Variants in ST18 observed in about 807,000 individuals in gnomAD.
ST18 encodes suppression of tumorigenicity 18 protein.
Under a neutral mutation model 110.0 loss-of-function variants are expected in ST18, and 50 were observed. That is an observed-to-expected ratio of 0.45 (90% CI 0.36 to 0.58). The LOEUF (loss-of-function observed/expected upper bound fraction) is 0.58. ST18 is among the 20% of genes least tolerant of loss of function. The probability of loss-of-function intolerance (pLI) is 0.00; values close to 1 mark genes in which losing one functional copy is unlikely to be tolerated. For missense variants in ST18, 1,306 were observed against 1,280.1 expected (o/e 1.02, Z -0.31); for synonymous variants, 461 against 452.4 (o/e 1.02, Z -0.24).
chr8:52,214,807 A>G (rs1270016738), intron 6 of ST18, among the ~76,000 whole-genome samples: 2 of 152,220 alleles, frequency 1.3e-5, no homozygotes, highest in Non-Finnish European at 1.5e-5. Flanking sequence ...GAATTTCAGA[A>G]TAAATACCAG....
chr8:52,202,315 T>C (rs1470759913), intron 8 of ST18, among the ~76,000 whole-genome samples: 1 of 152,196 alleles, frequency 6.6e-6, no homozygotes, highest in Non-Finnish European at 1.5e-5. Context: ...AATATTTCTC[T>C]AGTAACATCA....
chr8:52,300,040 A>G (rs2095693409), intron 2 of ST18, among the ~76,000 whole-genome samples: 1 of 152,144 alleles, frequency 6.6e-6, no homozygotes, highest in Admixed American at 6.5e-5. Context: ...CTTTTTGATA[A>G]ATTCGTTGAG....
At chr8:52,321,983 T>C in intron 2 of ST18, among the ~76,000 whole-genome samples, 1 of 152,230 alleles carries the variant, frequency 6.6e-6, no homozygotes, top group Non-Finnish European at 1.5e-5. Context: ...AACTAGACCA[T>C]TGCTTTTGTT....
intron 2 of ST18, among the ~76,000 whole-genome samples, chr8:52,255,314 G>T (rs944729466): frequency 2.6e-5 from 4 of 152,096 alleles, no homozygotes; most frequent in Non-Finnish European, 5.9e-5. Context: ...ACTCCAAGTG[G>T]ACATTTGATA....
chr8:52,232,374 CA>C (rs1198397254), intron 2 of ST18, among the ~76,000 whole-genome samples: 1 of 152,188 alleles, frequency 6.6e-6, no homozygotes, highest in East Asian at 1.9e-4. Context: ...AGAGTTTGCA[CA>C]ATATTTAAAC....
chr8:52,171,057 T>C (rs548983248), intron 10 of ST18, among the ~76,000 whole-genome samples: 3 of 152,300 alleles, frequency 2.0e-5, no homozygotes, highest in East Asian at 1.9e-4. Flanking sequence ...GCTGGAGAAC[T>C]GATGATGATG....
intron 10 of ST18, 95 bp from the exon 11 acceptor site, chr8:52,167,081 T>TCAGTTTTA: frequency 3.4e-6 from 5 of 1,476,588 alleles, no homozygotes; most frequent in Non-Finnish European, 4.6e-6. Context: ...CTCACTTTAT[T>TCAGTTTTA]CAGTTTTACC....
chr8:52,128,024 C>T (rs1296724657), intron 22 of ST18, among the ~76,000 whole-genome samples: 5 of 151,448 alleles, frequency 3.3e-5, no homozygotes, highest in African/African-American at 1.2e-4. Flanking sequence ...GGCTGAAGTG[C>T]GCTGGCACAA....
At chr8:52,362,232 T>G (rs567045075) in intron 2 of ST18, among the ~76,000 whole-genome samples, 1 of 152,336 alleles carries the variant, frequency 6.6e-6, no homozygotes, top group Admixed American at 6.5e-5. Flanking sequence ...TATTCCCTTA[T>G]ATTGGTATGA....
chr8:52,199,966 C>T (rs559129692), intron 8 of ST18, among the ~76,000 whole-genome samples: 8 of 152,158 alleles, frequency 5.3e-5, no homozygotes, highest in South Asian at 2.1e-4. Flanking sequence ...ATGTAAATGT[C>T]GTATAGGAAT....
rs1342674074 is a variant in ST18, at chr8:52,246,018, T to A, written c.-464-15941A>T. On this transcript the variant is annotated intron_variant, in intron 2 of 25. Transcript: ENST00000689386. ...CTAACAGAACAAATGTTCTGAAAAG[T>A]TAAACTAAAAGAGTAATACATTTTT... Among the ~76,000 whole-genome samples, 7 of 152,062 alleles carry A rather than the reference T, an allele frequency of 4.6e-5. No individual in the cohort carries two copies. The East Asian group carries it at 1.3e-3, about 29-fold the overall frequency.
At chr8:52,176,027 C>CT (rs771680772) in intron 9 of ST18, among the ~76,000 whole-genome samples, 246 of 145,356 alleles carry the variant, frequency 1.7e-3, no homozygotes, top group Non-Finnish European at 2.4e-3. Context: ...TCAGCTAACT[C>CT]TTTTTTTTTT....
chr8:52,350,313 T>A (rs538447319), intron 2 of ST18, among the ~76,000 whole-genome samples: 1 of 152,178 alleles, frequency 6.6e-6, no homozygotes, highest in Admixed American at 6.5e-5. Context: ...AGAGACTGTT[T>A]CCCAAAAATC....
Position 52,133,738 on chromosome 8 carries a change from A to G in ST18, c.2301-437T>C, listed in dbSNP as rs200769546. On this transcript the variant is annotated intron_variant, in intron 19 of 25. Transcript: ENST00000689386. ...TATTATTATTATTATTATTATTATT[A>G]TTGTTATTATTGAGACAAAGTCTCG... is the stretch of plus-strand genomic sequence containing the variant. 1.6e-4 allele frequency among the ~76,000 whole-genome samples: 24 copies of G among 146,750 alleles called. No individual in the cohort carries two copies. In the East Asian group the frequency reaches 3.0e-3, roughly 18 times the overall value.
At position 52,171,797 on chromosome 8, in the gene ST18, T is replaced by A. The variant is rs111299815; in HGVS notation, c.1064A>T (p.Asn355Ile). Residue 355 changes from asparagine (N) to isoleucine (I), a missense_variant, in exon 10 of 26, where the codon AAT becomes ATT. Physicochemically the swap from Asn to Ile is moderately radical, Grantham distance 149. Coordinates refer to ENST00000689386, the MANE Select transcript of ST18 (RefSeq NM_001352837.2). Reference protein sequence around the residue: ...IDMGGRQIFNNKHSPRPEKRE... With the variant: ...IDMGGRQIFNIKHSPRPEKRE... ...AATGCAAAAATGTGTCTTACGTTTA[T>A]TGTTAAAGATTTGTCTTCCACCCAT... is the stretch of plus-strand genomic sequence containing the variant. 2.5e-6 allele frequency: 4 copies of A among 1,610,710 alleles called. No individual in the cohort carries two copies. The African/African-American group carries it at 4.0e-5, about 16-fold the overall frequency.
chr8:52,357,450 A>T (rs1468123536), intron 2 of ST18, among the ~76,000 whole-genome samples: 1 of 151,650 alleles, frequency 6.6e-6, no homozygotes, highest in Non-Finnish European at 1.5e-5. Context: ...CTTTAGATCC[A>T]AATACACAAA....
At chr8:52,170,468 A>ACC (rs2064494811) in intron 10 of ST18, among the ~76,000 whole-genome samples, 1 of 150,926 alleles carries the variant, frequency 6.6e-6, no homozygotes, top group African/African-American at 2.4e-5. Flanking sequence ...ATAAATAAAT[A>ACC]AATAAATAAA....
chr8:52,194,574 G>A (rs992274534), intron 8 of ST18: 5 of 152,216 alleles, frequency 3.3e-5, no homozygotes, highest in African/African-American at 9.7e-5. Flanking sequence ...GAAAGCATGC[G>A]TCTTGCATCT....
At chr8:52,362,395 G>A (rs1250532582) in intron 2 of ST18, among the ~76,000 whole-genome samples, 4 of 152,188 alleles carry the variant, frequency 2.6e-5, no homozygotes, top group Non-Finnish European at 5.9e-5. Context: ...GTGAGTAGCC[G>A]TGGCTGCCAG....
Sources: allele counts gnomAD v4.1 joint callset (sites outside exome capture counted in the v4.1 genomes callset), GRCh38; gene constraint gnomAD v4.1.1; transcripts MANE v1.5; gene names NCBI Gene and HGNC (gene_info 2026-07-23, HGNC 2026-07-21).